Variants in SNX8 observed in about 807,000 individuals in gnomAD.
The protein encoded by SNX8 is sorting nexin-8.
In SNX8, 25 loss-of-function variants were observed where a neutral mutation model predicts 51.6. That is an observed-to-expected ratio of 0.48 (90% CI 0.35 to 0.68). The LOEUF is 0.68. Among genes scored for constraint, SNX8 ranks in the 30% least tolerant of loss-of-function variants. SNX8 has a pLI of 0.00. For missense variants in SNX8, 695 were observed against 624.0 expected (o/e 1.11, Z -1.21); for synonymous variants, 324 against 277.0 (o/e 1.17, Z -1.68).
rs190532136 is a variant in SNX8 at position 2,351,748 on chromosome 7, T to G, written c.-66+2474A>C. Among the ~76,000 whole-genome samples the G allele has an allele frequency of 3.8e-3, 559 of 147,816 alleles. 2 individuals are homozygous for G. The highest frequency in any genetic ancestry group is 0.013 in the African/African-American group (508 of 40,004). On this transcript the variant is annotated intron_variant, in intron 1 of 5. Coordinates refer to the SNX8 transcript ENST00000435336. The stretch of plus-strand genomic sequence containing the variant: ...CGGGAGGCTGAGGCAGGAGAATTGC[T>G]TGAACCCGGGAGGTGGAGCTTGCAG...
rs772818739 is a variant in SNX8, at chr7:2,325,764, G to A, written c.-66+28458C>T. ...TGAGAATTGCTTGAACTTGGGAGGC[G>A]GAGACTGCAGTGAGCCAAGATCGTG... On this transcript the variant is annotated intron_variant, in intron 1 of 5. Coordinates refer to the SNX8 transcript ENST00000435336. Among the ~76,000 whole-genome samples the A allele has an allele frequency of 1.5e-4, 23 of 152,126 alleles. No homozygotes were observed. In the South Asian group the frequency reaches 3.5e-3, roughly 23 times the overall value.
intron 1 of SNX8, among the ~76,000 whole-genome samples, chr7:2,346,737 CAAAAAAAAAA>C (rs143462126): frequency 2.4e-4 from 11 of 45,334 alleles, no homozygotes; most frequent in African/African-American, 7.6e-4. Flanking sequence ...GACTCCGTCT[CAAAAAAAAAA>C]AAAAAAAAAA....
intron 1 of SNX8, among the ~76,000 whole-genome samples, chr7:2,347,165 C>G (rs1008444760): frequency 6.6e-6 from 1 of 151,968 alleles, no homozygotes; most frequent in African/African-American, 2.4e-5. Context: ...TCCGCCCCCA[C>G]CATCTCCACA....
At chr7:2,351,105 G>A (rs1050903924) in intron 1 of SNX8, among the ~76,000 whole-genome samples, 2 of 152,078 alleles carry the variant, frequency 1.3e-5, no homozygotes, top group African/African-American at 4.8e-5. Flanking sequence ...GTGACAGAGT[G>A]AGACCTTGTC....
Position 2,254,761 on chromosome 7 carries a change from G to A in SNX8, c.*295C>T, listed in dbSNP as rs554743501. ...CCCCCAGGCACAATCTCTGTGAGAT[G>A]AGAGATCCCTGCCTCCCCGCACAGC... On this transcript the variant is annotated 3_prime_UTR_variant, in exon 11 of 11. Coordinates refer to ENST00000222990, the MANE Select transcript of SNX8 (RefSeq NM_013321.4). The A allele has an allele frequency of 2.4e-5, 11 of 461,446 alleles. No individual in the cohort carries two copies. The highest frequency in any genetic ancestry group is 3.5e-5 in the Non-Finnish European group (9 of 254,330). 28.6% of individuals were successfully genotyped at this position (461,446 alleles called of 1,614,324 possible).
At chr7:2,325,706 G>C (rs148924256) in intron 1 of SNX8, among the ~76,000 whole-genome samples, 1 of 152,072 alleles carries the variant, frequency 6.6e-6, no homozygotes, top group African/African-American at 2.4e-5. Context: ...GTTGGCAAGC[G>C]CCTGTAGTCC....
At chr7:2,298,559 G>T (rs1035817114) in intron 1 of SNX8, among the ~76,000 whole-genome samples, 1 of 151,348 alleles carries the variant, frequency 6.6e-6, no homozygotes, top group African/African-American at 2.4e-5. Flanking sequence ...TAGTAGAGAC[G>T]GGGTTTCACC....
intron 3 of SNX8, 61 bp downstream of exon 3, chr7:2,275,051 A>G (rs1795743142): frequency 8.7e-7 from 1 of 1,148,784 alleles, no homozygotes; most frequent in African/African-American, 1.5e-5. Context: ...AGCCAGGACC[A>G]CAGGGTCCAG....
At chr7:2,317,048 C>T (rs1320170828), upstream of SNX8, among the ~76,000 whole-genome samples, 3 of 151,992 alleles carry the variant, frequency 2.0e-5, no homozygotes, top group African/African-American at 7.2e-5. Context: ...CCCTTCCCTA[C>T]ATGGGTGAAG....
intron 5 of SNX8, among the ~76,000 whole-genome samples, chr7:2,266,625 G>T (rs938060182): frequency 6.6e-6 from 1 of 152,084 alleles, no homozygotes; most frequent in African/African-American, 2.4e-5. Context: ...GATTACAGGC[G>T]TAAGCCACCA....
Position 2,319,623 on chromosome 7 carries a change from G to C in SNX8, c.-66+34599C>G, listed in dbSNP as rs886077767. 6.5e-4 allele frequency among the ~76,000 whole-genome samples: 99 copies of C among 152,154 alleles called. 1 individual carries two copies. Among genetic ancestry groups the C allele is most frequent in the Admixed American group, 6.5e-3 (99 of 15,252 alleles). On this transcript the variant is annotated intron_variant, in intron 1 of 5. Transcript: ENST00000435336. ...AAGGTCAGGAGATCGAGACCATCCT[G>C]GCTAACACGGTGAAACCCCGTCTCT...
chr7:2,347,084 G>A (rs1306869396), intron 1 of SNX8, among the ~76,000 whole-genome samples: 1 of 152,060 alleles, frequency 6.6e-6, no homozygotes, highest in Non-Finnish European at 1.5e-5. Context: ...TCCAGCCATG[G>A]GAGCCTGAGG....
chr7:2,293,728 G>A (rs1223103288), intron 1 of SNX8, among the ~76,000 whole-genome samples: 1 of 151,698 alleles, frequency 6.6e-6, no homozygotes, highest in Non-Finnish European at 1.5e-5. Context: ...ACTTTGGGAG[G>A]CTGAGGCGGG....
intron 1 of SNX8, among the ~76,000 whole-genome samples, chr7:2,345,980 G>A (rs1330933241): frequency 6.6e-6 from 1 of 151,792 alleles, no homozygotes; most frequent in Non-Finnish European, 1.5e-5. Context: ...GCTAATTTTT[G>A]TATTTTTAGT....
chr7:2,334,563 C>A (rs776405092), intron 1 of SNX8, among the ~76,000 whole-genome samples: 4 of 151,398 alleles, frequency 2.6e-5, no homozygotes, highest in African/African-American at 7.3e-5. Context: ...ATTAGCTGGG[C>A]GTGGTGGTGT....
chr7:2,273,649 A>T (rs1220719174), intron 3 of SNX8, among the ~76,000 whole-genome samples: 1 of 151,760 alleles, frequency 6.6e-6, no homozygotes, highest in African/African-American at 2.4e-5. Context: ...CACACCTGTA[A>T]TCCCAGCACT....
rs1240748815 is a variant in SNX8 at position 2,257,524 on chromosome 7, C to G, written c.985-10G>C. On this transcript the variant is annotated splice_polypyrimidine_tract_variant and intron_variant, in intron 8 of 10. Transcript: ENST00000222990. ...GCCGCTCGCACAGGTCCTGCGGGGC[C>G]GGGGGAGGCATTCGCCCGCTGTCTG... The G allele has an allele frequency of 1.9e-5, 30 of 1,600,520 alleles. No individual in the cohort carries two copies. The East Asian group carries it at 6.7e-4, about 36-fold the overall frequency.
At chr7:2,339,268 C>T (rs1372967784) in intron 1 of SNX8, among the ~76,000 whole-genome samples, 5 of 152,038 alleles carry the variant, frequency 3.3e-5, no homozygotes, top group African/African-American at 9.7e-5. Flanking sequence ...TGCAGCGGCA[C>T]GATCTCGGCT....
intron 1 of SNX8, among the ~76,000 whole-genome samples, chr7:2,333,935 G>A (rs540070116): frequency 6.6e-6 from 1 of 152,058 alleles, no homozygotes; most frequent in South Asian, 2.1e-4. Context: ...CTGGGAGTAT[G>A]AGACCAGTCT....
Sources: gnomAD v4.1 joint callset for allele counts (sites outside exome capture counted in the v4.1 genomes callset) on GRCh38, gnomAD v4.1.1 for gene constraint, MANE v1.5 for transcripts, NCBI Gene and HGNC (gene_info 2026-07-23, HGNC 2026-07-21) for gene names.